Variants in COL27A1 observed in about 807,000 individuals in gnomAD.
COL27A1 encodes collagen alpha-1(XXVII) chain.
A neutral mutation model predicts 251.3 loss-of-function variants in COL27A1; 106 were observed. That is an observed-to-expected ratio of 0.42 (90% CI 0.36 to 0.50). The LOEUF is 0.50. Ranked by LOEUF, COL27A1 falls within the 20% of genes least tolerant of loss-of-function variation. The pLI, the probability that COL27A1 is intolerant of heterozygous loss-of-function variation, is 0.00. For synonymous variants in COL27A1, 1,000 were observed against 986.3 expected (o/e 1.01, Z -0.26); for missense variants, 2,325 against 2,522.8 (o/e 0.92, Z 1.68).
chr9:114,277,352 A>G (rs574070397), intron 37 of COL27A1, among the ~76,000 whole-genome samples: 2 of 152,244 alleles, frequency 1.3e-5, no homozygotes, highest in East Asian at 1.9e-4. Context: ...CTCTGCTGCC[A>G]TCCCAGTCTC....
intron 23 of COL27A1, 60 bp from the exon 24 acceptor site, chr9:114,245,806 C>T: frequency 2.0e-6 from 3 of 1,531,764 alleles, no homozygotes; most frequent in African/African-American, 2.7e-5. Flanking sequence ...TGGGACTTCC[C>T]CAGGAGGTCT....
At chr9:114,156,901 C>G (rs1182850251) in intron 1 of COL27A1, among the ~76,000 whole-genome samples, 2 of 152,146 alleles carry the variant, frequency 1.3e-5, no homozygotes, top group Non-Finnish European at 2.9e-5. Context: ...CGGCGCTCCT[C>G]TCTTTCCATC....
Position 114,178,326 on chromosome 9 carries a change from T to C in COL27A1, c.1944T>C (p.Pro648=), listed in dbSNP as rs1588595502. The part of the protein sequence containing the change: ...PPGLPGLPGI[P]GARGPRGPPG... Reference sequence around the variant, plus strand: ...GGCTACCTGGGCTACCTGGAATCCCTGGTGCACGTGGGCCTCGGGTGAGTT... The same window carrying C: ...GGCTACCTGGGCTACCTGGAATCCCCGGTGCACGTGGGCCTCGGGTGAGTT... The change falls in exon 4 of 61, where the codon CCT becomes CCC. Residue 648 remains proline (P), a synonymous_variant. Transcript: ENST00000356083. The C allele has an allele frequency of 6.2e-7, 1 of 1,614,104 alleles. No homozygotes were observed.
intron 41 of COL27A1, among the ~76,000 whole-genome samples, chr9:114,286,060 C>G (rs771243721): frequency 6.6e-6 from 1 of 152,214 alleles, no homozygotes; most frequent in Non-Finnish European, 1.5e-5. Flanking sequence ...TTATTAGATT[C>G]GTTCATTCCT....
intron 11 of COL27A1, among the ~76,000 whole-genome samples, chr9:114,210,109 A>G (rs997057904): frequency 6.6e-6 from 1 of 152,204 alleles, no homozygotes; most frequent in African/African-American, 2.4e-5. Context: ...GCAACCAATG[A>G]ACACCGGGCC....
chr9:114,162,867 G>A, intron 2 of COL27A1, 82 bp downstream of exon 2: 1 of 944,702 alleles, frequency 1.1e-6, no homozygotes, highest in Non-Finnish European at 1.7e-6. Flanking sequence ...AGACAGCCGT[G>A]CCTGTAATTG....
intron 28 of COL27A1, among the ~76,000 whole-genome samples, 190 bp from the exon 29 acceptor site, chr9:114,264,165 T>C (rs1005765341): frequency 6.6e-6 from 1 of 152,198 alleles, no homozygotes; most frequent in African/African-American, 2.4e-5. Flanking sequence ...CTGCGGCCTC[T>C]GCAGAGCTGT....
rs576652277 is a variant in COL27A1, at chr9:114,275,746, C to A, written c.3695C>A (p.Pro1232His). The A allele has an allele frequency of 3.0e-5, 46 of 1,548,520 alleles. No individual in the cohort carries two copies. The highest frequency in any genetic ancestry group is 3.9e-5 in the Non-Finnish European group (45 of 1,146,506). ...ATGGGTGAGGACGGGCCCCCCGGCCCCCCTGGCGTCACTGGTGTCCGGGTG... is the reference window on the plus strand; with the variant it reads ...ATGGGTGAGGACGGGCCCCCCGGCCACCCTGGCGTCACTGGTGTCCGGGTG... ...GLMGEDGPPG[P>H]PGVTGVRGPE... is the part of the protein sequence containing the mutation. The change falls in exon 37 of 61, where the codon CCC becomes CAC. Residue 1232 changes from proline to histidine, a missense_variant. Pro to His is a moderately conservative substitution (Grantham distance 77, BLOSUM62 -2). Coordinates refer to ENST00000356083, the MANE Select transcript of COL27A1 (RefSeq NM_032888.4).
intron 3 of COL27A1, among the ~76,000 whole-genome samples, chr9:114,176,428 T>C (rs1057088854): frequency 6.6e-6 from 1 of 152,134 alleles, no homozygotes; most frequent in Non-Finnish European, 1.5e-5. Context: ...TTAGCACTTG[T>C]TATAGATTAT....
intron 3 of COL27A1, among the ~76,000 whole-genome samples, chr9:114,175,570 C>T (rs1827368419): frequency 6.6e-6 from 1 of 152,198 alleles, no homozygotes; most frequent in Non-Finnish European, 1.5e-5. Flanking sequence ...CTGGGGCCGC[C>T]CCGTCAAGGA....
Position 114,278,379 on chromosome 9 carries a change from G to A in COL27A1, c.3717+2611G>A, listed in dbSNP as rs1049199580. On this transcript the variant is annotated intron_variant, in intron 37 of 60. Transcript: ENST00000356083. ...GATGGTGATAGTGGAGTGGAGGTGA[G>A]GGTGATGATGGTGCTGGTGGCGATG... Among the ~76,000 whole-genome samples, 20 of 2,144 alleles carry A rather than the reference G, an allele frequency of 9.3e-3. 1 individual carries two copies. The highest frequency in any genetic ancestry group is 0.02 in the Non-Finnish European group (20 of 994). The allele number at this position is 2,144 out of a possible 152,430, so 1.4% of individuals were successfully genotyped here. A position where few individuals can be genotyped will look rare whatever the true frequency, so the allele number is the denominator to read the frequency against.
chr9:114,240,701 G>C (rs962200336), intron 21 of COL27A1, among the ~76,000 whole-genome samples: 3 of 152,176 alleles, frequency 2.0e-5, no homozygotes, highest in African/African-American at 7.2e-5. Context: ...CACCTGGCAG[G>C]GTGGCTTCCC....
intron 14 of COL27A1, among the ~76,000 whole-genome samples, chr9:114,223,534 G>A (rs1831257364): frequency 6.6e-6 from 1 of 152,166 alleles, no homozygotes; most frequent in South Asian, 2.1e-4. Context: ...GCTACCTCCT[G>A]ACTGAACTTC....
chr9:114,273,471 C>T (rs1343103575), intron 36 of COL27A1: 1 of 152,386 alleles, frequency 6.6e-6, no homozygotes, highest in Non-Finnish European at 1.5e-5. Flanking sequence ...CCAGCAACTC[C>T]CTCACACCCA....
In COL27A1 at chr9:114,269,240, G is replaced by T; in HGVS notation, c.3502-1G>T. The T allele has an allele frequency of 6.2e-7, 1 of 1,601,116 alleles. No individual in the cohort carries two copies. ...AAGGACTTTTGTTCGGCTTCTCCTA[G>T]GGTGACCTTGGACCCCTGGGCACTC... On this transcript the variant is annotated splice_acceptor_variant, in intron 34 of 60. Transcript: ENST00000356083. LOFTEE classifies it high-confidence loss of function.
chr9:114,296,573 T>C (rs1732542871), intron 49 of COL27A1, among the ~76,000 whole-genome samples: 1 of 152,218 alleles, frequency 6.6e-6, no homozygotes, highest in African/African-American at 2.4e-5. Flanking sequence ...GGCAAAGACA[T>C]GGGGAAACTG....
chr9:114,295,640 G>A (rs559984760), intron 49 of COL27A1, among the ~76,000 whole-genome samples: 1 of 152,136 alleles, frequency 6.6e-6, no homozygotes, highest in Non-Finnish European at 1.5e-5. Flanking sequence ...TACATATACG[G>A]ACAACTGGTT....
At chr9:114,173,829 T>A (rs1433089458) in intron 3 of COL27A1, among the ~76,000 whole-genome samples, 4 of 152,104 alleles carry the variant, frequency 2.6e-5, no homozygotes, top group Non-Finnish European at 5.9e-5. Context: ...TGGGAGGGTC[T>A]GGACATAGTC....
In COL27A1 at chr9:114,160,554, T is replaced by G. The variant is rs569482910; in HGVS notation, c.63-2161T>G. The stretch of plus-strand genomic sequence containing the variant: ...GTGTGCCTGCCAGGGGCTGGAAATA[T>G]AAGCCCGGCATGGTGGCACATGCCT... On this transcript the variant is annotated intron_variant, in intron 1 of 60. Coordinates refer to ENST00000356083, the MANE Select transcript of COL27A1 (RefSeq NM_032888.4). 3.0e-3 allele frequency among the ~76,000 whole-genome samples: 456 copies of G among 151,784 alleles called. 4 individuals carry two copies. The highest frequency in any genetic ancestry group is 5.1e-3 in the Non-Finnish European group (345 of 67,984).
Sources: gnomAD v4.1 joint callset for allele counts (sites outside exome capture counted in the v4.1 genomes callset) on GRCh38, gnomAD v4.1.1 for gene constraint, MANE v1.5 for transcripts, NCBI Gene and HGNC (gene_info 2026-07-23, HGNC 2026-07-21) for gene names.